The following XAF1 variants were observed in gnomAD, a reference collection of about 807,000 sequenced individuals.
XAF1 encodes XIAP-associated factor 1.
In XAF1, 32 loss-of-function variants were observed where a neutral mutation model predicts 32.3. That is an observed-to-expected ratio of 0.99 (90% CI 0.75 to 1.33). The LOEUF (loss-of-function observed/expected upper bound fraction) is 1.33, where lower values mean the gene tolerates loss of function less well. Among genes scored for constraint, XAF1 ranks in the 40% most tolerant of loss-of-function variants. XAF1 has a pLI of 0.00. For synonymous variants in XAF1, 120 were observed against 125.9 expected (o/e 0.95, Z 0.31); for missense variants, 379 against 366.0 (o/e 1.04, Z -0.29).
In XAF1 at chr17:6,759,737, T is replaced by G. The variant is rs186936817; in HGVS notation, c.225+19T>G. On this transcript the variant is annotated intron_variant, in intron 3 of 6. Coordinates refer to ENST00000361842, the MANE Select transcript of XAF1 (RefSeq NM_017523.5). ...TCATAAGGTAAGAGCCCCATGTGATTTCTCCTTTACAGCCAAATAGACCAA... is the reference window on the plus strand; with the variant it reads ...TCATAAGGTAAGAGCCCCATGTGATGTCTCCTTTACAGCCAAATAGACCAA... The G allele has an allele frequency of 6.2e-7, 1 of 1,613,976 alleles. No homozygotes were observed. Among genetic ancestry groups the G allele is most frequent in the Admixed American group, 1.7e-5 (1 of 60,020 alleles).
rs535181306 is a variant in XAF1, at chr17:6,775,551, G to C, written c.*2382G>C. 2 of 152,354 alleles carry C rather than the reference G, an allele frequency of 1.3e-5. No individual in the cohort carries two copies. The highest frequency in any genetic ancestry group is 3.9e-4 in the East Asian group (2 of 5,186). The allele number at this position is 152,354 out of a possible 1,614,324, so 9.4% of individuals were successfully genotyped here. A position where few individuals can be genotyped will look rare whatever the true frequency, so the allele number is the denominator to read the frequency against. On this transcript the variant is annotated 3_prime_UTR_variant, in exon 7 of 7. Transcript: ENST00000361842. ...GGTTCCAGTTTTGTCTGAAAATTCT[G>C]ATTAAGCCTCTGGGCCCTACAGCCT...
chr17:6,756,296 G>C, intron 1 of XAF1, 186 bp downstream of exon 1: 2 of 1,378,128 alleles, frequency 1.5e-6, no homozygotes, highest in Non-Finnish European at 1.9e-6. Context: ...GGTGGGGGTG[G>C]GCAGCATTAC....
chr17:6,756,330 C>T (rs1177226022), intron 1 of XAF1: 2 of 1,351,142 alleles, frequency 1.5e-6, no homozygotes, highest in Admixed American at 5.9e-5. Context: ...CAGCCCCTTT[C>T]CCCCAAATGT....
At position 6,764,456 on chromosome 17, in the gene XAF1, G is replaced by A. The variant is rs116521434; in HGVS notation, c.507+2216G>A. Reference sequence around the variant, plus strand: ...GAGAGAGGTTAAATGAGCTGTACACGCAGGTAACAACAAAGTCTCACATCT... The same window carrying A: ...GAGAGAGGTTAAATGAGCTGTACACACAGGTAACAACAAAGTCTCACATCT... On this transcript the variant is annotated intron_variant, in intron 5 of 6. Transcript: ENST00000361842. Among the ~76,000 whole-genome samples the A allele has an allele frequency of 6.2e-3, 942 of 152,224 alleles. 11 individuals carry two copies. The highest frequency in any genetic ancestry group is 0.021 in the African/African-American group (884 of 41,526).
intron 4 of XAF1, 147 bp from the exon 5 acceptor site, chr17:6,762,008 A>T: frequency 6.5e-7 from 1 of 1,539,634 alleles, no homozygotes; most frequent in Non-Finnish European, 8.7e-7. Flanking sequence ...GTGGTCAAGG[A>T]TGCCGGCAGC....
intron 1 of XAF1, among the ~76,000 whole-genome samples, chr17:6,756,733 G>C (rs1032827258): frequency 6.6e-6 from 1 of 152,186 alleles, no homozygotes; most frequent in South Asian, 2.1e-4. Context: ...AGAGCAGGGG[G>C]AGAAGGGGCC....
chr17:6,773,208 C>A lies in XAF1; in HGVS notation c.*39C>A. 3.2e-6 allele frequency: 5 copies of A among 1,546,810 alleles called. No individual in the cohort carries two copies. The highest frequency in any genetic ancestry group is 3.5e-6 in the Non-Finnish European group (4 of 1,137,398). ...AAGGTACTACAAATTCAAAAGATTT[C>A]ACTTTTAACACTGGCATTCCTGCCT... On this transcript the variant is annotated 3_prime_UTR_variant, in exon 7 of 7. Coordinates refer to ENST00000361842, the MANE Select transcript of XAF1 (RefSeq NM_017523.5).
chr17:6,769,028 CTTCATGACTCTCTTTTTT>C (rs1975821822), intron 5 of XAF1, among the ~76,000 whole-genome samples: 2 of 132,596 alleles, frequency 1.5e-5, no homozygotes, highest in African/African-American at 6.6e-5. Flanking sequence ...CTCATTCTAG[CTTCATGACTCTCTTTTTT>C]TTCATGACTC....
intron 4 of XAF1, chr17:6,761,735 C>T (rs1975218883): frequency 1.1e-6 from 1 of 881,802 alleles, no homozygotes; most frequent in African/African-American, 1.8e-5. Flanking sequence ...CACAACACAA[C>T]ACAACACAAC....
Position 6,773,117 on chromosome 17 carries a change from A to C in XAF1, c.854A>C (p.Lys285Thr), listed in dbSNP as rs763288542. Reference protein sequence around the residue: ...PLPILNQHQEKCRWLASSKGK... With the variant: ...PLPILNQHQETCRWLASSKGK... ...TTTTTTATATCCATTTCTTAGGAGA[A>C]ATGCCGGTGGTTAGCTTCATCAAAA... Residue 285 changes from lysine to threonine, a missense_variant, in exon 7 of 7, where the codon AAA becomes ACA. Coordinates refer to ENST00000361842, the MANE Select transcript of XAF1 (RefSeq NM_017523.5). The C allele has an allele frequency of 1.9e-6, 3 of 1,605,350 alleles. No individual in the cohort carries two copies. In the East Asian group the frequency reaches 6.7e-5, roughly 36 times the overall value.
Position 6,774,270 on chromosome 17 carries a change from T to C in XAF1, c.*1101T>C, listed in dbSNP as rs1328572201. The C allele has an allele frequency of 6.6e-6, 1 of 152,160 alleles. No individual in the cohort carries two copies. Among genetic ancestry groups the C allele is most frequent in the Non-Finnish European group, 1.5e-5 (1 of 68,022 alleles). 9.4% of individuals were successfully genotyped at this position (152,160 alleles called of 1,614,324 possible). ...GGGCCCAGAAATAAAGCTACACACCTACAACCATCTAATCTTTGACAAAGT... is the reference window on the plus strand; with the variant it reads ...GGGCCCAGAAATAAAGCTACACACCCACAACCATCTAATCTTTGACAAAGT... On this transcript the variant is annotated 3_prime_UTR_variant, in exon 7 of 7. Coordinates refer to ENST00000361842, the MANE Select transcript of XAF1 (RefSeq NM_017523.5).
chr17:6,774,078 C>T lies in XAF1; in HGVS notation c.*909C>T, dbSNP rs941003068. 3.3e-5 allele frequency: 5 copies of T among 151,956 alleles called. No homozygotes were observed. The highest frequency in any genetic ancestry group is 7.4e-5 in the Non-Finnish European group (5 of 67,970). 9.4% of individuals were successfully genotyped at this position (151,956 alleles called of 1,614,324 possible). On this transcript the variant is annotated 3_prime_UTR_variant, in exon 7 of 7. Coordinates refer to ENST00000361842, the MANE Select transcript of XAF1 (RefSeq NM_017523.5). ...AAATTTATTTGAAACCAAAAAAGAG[C>T]CCAAAAAGCCAAAGCAATCCTAAGC... is the stretch of plus-strand genomic sequence containing the variant.
At chr17:6,758,246 T>C in intron 2 of XAF1, 22 bp downstream of exon 2, 1 of 1,610,322 alleles carries the variant, frequency 6.2e-7, no homozygotes, top group Non-Finnish European at 8.5e-7. Flanking sequence ...GCAGGGAGGA[T>C]GGGGTCTGAG....
At position 6,770,644 on chromosome 17, in the gene XAF1, G is replaced by A. The variant is rs761390773; in HGVS notation, c.509G>A (p.Gly170Asp). ...IPENKYFHHM[G>D]KCCPDSEFKK... ...TTGATATATTATTCACAATTGCAGGGTAAATGTTGTCCAGACTCAGAGTTT... is the reference window on the plus strand; with the variant it reads ...TTGATATATTATTCACAATTGCAGGATAAATGTTGTCCAGACTCAGAGTTT... Residue 170 changes from glycine (G) to aspartate (D), a missense_variant and splice_region_variant, in exon 6 of 7, where the codon GGT becomes GAT. Transcript: ENST00000361842. The A allele has an allele frequency of 1.3e-6, 2 of 1,580,018 alleles. No individual in the cohort carries two copies. The highest frequency in any genetic ancestry group is 8.6e-7 in the Non-Finnish European group (1 of 1,167,540).
In XAF1 at chr17:6,760,436, T is replaced by C. The variant is rs367805632; in HGVS notation, c.256T>C (p.Cys86Arg). The C allele has an allele frequency of 1.2e-6, 2 of 1,611,268 alleles. No individual in the cohort carries two copies. Among genetic ancestry groups the C allele is most frequent in the South Asian group, 1.1e-5 (1 of 90,858 alleles). The change falls in exon 4 of 7, where the codon TGT becomes CGT. Residue 86 changes from cysteine (C) to arginine (R), a missense_variant. Coordinates refer to ENST00000361842, the MANE Select transcript of XAF1 (RefSeq NM_017523.5). ...ANECQERPVECKFCKLDMQLS... is the reference protein window; with the variant it reads ...ANECQERPVERKFCKLDMQLS... ...TGAGTGCCAGGAGCGCCCTGTTGAGTGTAAGTTCTGCAAACTGGACATGCA... is the reference window on the plus strand; with the variant it reads ...TGAGTGCCAGGAGCGCCCTGTTGAGCGTAAGTTCTGCAAACTGGACATGCA...
chr17:6,760,687 C>A lies in XAF1; in HGVS notation c.421+86C>A, dbSNP rs1244251143. The A allele has an allele frequency of 2.3e-6, 3 of 1,318,138 alleles. No homozygotes were observed. The African/African-American group carries it at 4.4e-5, about 19-fold the overall frequency. The allele number at this position is 1,318,138 out of a possible 1,614,324, so 81.7% of individuals were successfully genotyped here. On this transcript the variant is annotated intron_variant, in intron 4 of 6. Coordinates refer to ENST00000361842, the MANE Select transcript of XAF1 (RefSeq NM_017523.5). ...GGATGCAAGGAAGGGAAGCTCTCAA[C>A]AGGACGGATGACAAGTGTATTTGCT...
intron 4 of XAF1, among the ~76,000 whole-genome samples, chr17:6,761,127 C>T (rs1339226584): frequency 6.6e-6 from 1 of 151,810 alleles, no homozygotes; most frequent in Admixed American, 6.6e-5. Context: ...GCACTCCAGC[C>T]TGGGCAACAA....
intron 1 of XAF1, chr17:6,756,313 T>G: frequency 7.2e-7 from 1 of 1,383,500 alleles, no homozygotes; most frequent in Non-Finnish European, 9.5e-7. Flanking sequence ...TTACCTCCAC[T>G]TCACTGCAGC....
intron 3 of XAF1, 67 bp from the exon 4 acceptor site, chr17:6,760,339 C>G: frequency 7.3e-7 from 1 of 1,373,140 alleles, no homozygotes. Context: ...CACAATGAGA[C>G]TCTGTCTCAA....
Sources: gnomAD v4.1 joint callset for allele counts (sites outside exome capture counted in the v4.1 genomes callset) on GRCh38, gnomAD v4.1.1 for gene constraint, MANE v1.5 for transcripts, NCBI Gene and HGNC (gene_info 2026-07-23, HGNC 2026-07-21) for gene names.